The following KLK14 variants were observed in gnomAD, a reference collection of about 807,000 sequenced individuals.
KLK14 encodes kallikrein-14.
Under a neutral mutation model 24.6 loss-of-function variants are expected in KLK14, and 21 were observed. That is an observed-to-expected ratio of 0.85 (90% CI 0.61 to 1.23). KLK14 has a LOEUF of 1.23. Ranked by LOEUF, KLK14 falls within the 50% of genes most tolerant of loss-of-function variation. The probability of loss-of-function intolerance (pLI) is 0.00; values close to 1 mark genes in which losing one functional copy is unlikely to be tolerated. For missense variants in KLK14, 320 were observed against 338.9 expected (o/e 0.94, Z 0.44); for synonymous variants, 133 against 139.7 (o/e 0.95, Z 0.34).
At chr19:51,083,818 G>A (rs1170065516), upstream of KLK14, among the ~76,000 whole-genome samples, 2 of 152,028 alleles carry the variant, frequency 1.3e-5, no homozygotes. Flanking sequence ...GGAGAGAGAG[G>A]AGAGAGGCCG....
Position 51,079,499 on chromosome 19 carries a change from G to GACCA in KLK14, c.415_416insTGGT (p.Pro139LeufsTer36). On this transcript the variant is annotated frameshift_variant, in exon 4 of 6. Transcript: ENST00000650543. LOFTEE classifies it high-confidence loss of function. ...GCCTGACACTCGGCAGGAGGTCCCG[G>GACCA]GGCTGGCACAGGCCTGGGTGACCTC... 6.2e-7 allele frequency: 1 copy of GACCA among 1,613,734 alleles called. No homozygotes were observed. The highest frequency in any genetic ancestry group is 1.1e-5 in the South Asian group (1 of 91,080).
upstream of KLK14, among the ~76,000 whole-genome samples, chr19:51,083,274 G>GAGAGA (rs2091851470): frequency 8.1e-6 from 1 of 123,714 alleles, no homozygotes; most frequent in African/African-American, 3.3e-5. Context: ...AGTCACGGGA[G>GAGAGA]GAGGGAGAGA....
At chr19:51,081,411 C>G in intron 3 of KLK14, 121 bp downstream of exon 3, 1 of 956,140 alleles carries the variant, frequency 1.0e-6, no homozygotes, top group Non-Finnish European at 1.4e-6. Flanking sequence ...TTCTCTAGAC[C>G]TCAAACCAGG....
chr19:51,082,451 C>A, intron 2 of KLK14, 124 bp downstream of exon 2: 1 of 874,718 alleles, frequency 1.1e-6, no homozygotes, highest in East Asian at 2.5e-5. Flanking sequence ...CCATGACCCC[C>A]AAACCACTCC....
chr19:51,081,768 T>C, intron 2 of KLK14, 65 bp from the exon 3 acceptor site: 1 of 1,384,620 alleles, frequency 7.2e-7, no homozygotes, highest in Non-Finnish European at 9.6e-7. Flanking sequence ...CACAAGTTTG[T>C]AGGATTCCAA....
In KLK14 at chr19:51,079,511, G is replaced by C; in HGVS notation, c.404C>G (p.Ala135Gly). Residue 135 changes from alanine (A) to glycine (G), a missense_variant, in exon 4 of 6, where the codon GCC (alanine) becomes GGC (glycine). Ala to Gly is a moderately conservative substitution (Grantham distance 60, BLOSUM62 0). Coordinates refer to ENST00000650543, the MANE Select transcript of KLK14 (RefSeq NM_001369775.2). ...GCAGGAGGTCCCGGGGCTGGCACAG[G>C]CCTGGGTGACCTCAATGGGCCTGAC... ...RAVRPIEVTQ[A>G]CASPGTSCRV... 2 of 1,613,848 alleles carry C rather than the reference G, an allele frequency of 1.2e-6. No individual in the cohort carries two copies. Among genetic ancestry groups the C allele is most frequent in the South Asian group, 1.1e-5 (1 of 91,078 alleles).
In KLK14 at chr19:51,082,767, A is replaced by G; in HGVS notation, c.-68T>C. 1 of 1,612,548 alleles carries G rather than the reference A, an allele frequency of 6.2e-7. No individual in the cohort carries two copies. Among genetic ancestry groups the G allele is most frequent in the East Asian group, 2.2e-5 (1 of 44,842 alleles). On this transcript the variant is annotated 5_prime_UTR_variant, in exon 1 of 6. Transcript: ENST00000650543. ...GGACATGAAGACACAGCAGAGAGGT[A>G]GGGACCAGAGACGAGGGGGGCGGGG...
At chr19:51,083,867 C>T (rs2091855571), upstream of KLK14, among the ~76,000 whole-genome samples, 1 of 152,018 alleles carries the variant, frequency 6.6e-6, no homozygotes, top group South Asian at 2.1e-4. Context: ...CAAACACACA[C>T]AGAACAACAG....
chr19:51,083,818 G>T (rs1170065516), upstream of KLK14, among the ~76,000 whole-genome samples: 1 of 152,028 alleles, frequency 6.6e-6, no homozygotes, highest in Non-Finnish European at 1.5e-5. Flanking sequence ...GGAGAGAGAG[G>T]AGAGAGGCCG....
chr19:51,078,042 T>C lies in KLK14; in HGVS notation c.721A>G (p.Arg241Gly). Residue 241 changes from arginine to glycine, a missense_variant, in exon 6 of 6, where the codon AGA (arginine) becomes GGA (glycine). Transcript: ENST00000650543. This position sits in a 1 kb window ranked among gnomAD's most constrained non-coding sequence, Gnocchi z 5.0. ...CGCATCGTTTCCTCAATCCAGCTTCTGTACTTGCACAGGTTGGTGTAGACA... is the reference window on the plus strand; with the variant it reads ...CGCATCGTTTCCTCAATCCAGCTTCCGTACTTGCACAGGTTGGTGTAGACA... ...PGVYTNLCKY[R>G]SWIEETMRDK 6.2e-7 allele frequency: 1 copy of C among 1,613,938 alleles called. No homozygotes were observed. The highest frequency in any genetic ancestry group is 8.5e-7 in the Non-Finnish European group (1 of 1,179,870).
chr19:51,083,626 T>G (rs2091854350), upstream of KLK14, among the ~76,000 whole-genome samples: 4 of 143,476 alleles, frequency 2.8e-5, no homozygotes, highest in Admixed American at 6.9e-5. Flanking sequence ...GAGAAACCGG[T>G]GGAAGTTGGA....
chr19:51,081,690 G>T lies in KLK14; in HGVS notation c.54C>A (p.Ser18Arg), dbSNP rs1309332066. ...LQVLAIAMTQ[S>R]QEDENKIIGG... ...CAATTATCTTGTTCTCATCCTCTTG[G>T]CTCTGTGTCATGGCTAGGAGTGGAC... is the stretch of plus-strand genomic sequence containing the variant. The change falls in exon 3 of 6, where the codon AGC becomes AGA. Residue 18 changes from serine to arginine, a missense_variant. By Grantham distance (110) the Ser-to-Arg change is moderately radical. Coordinates refer to ENST00000650543, the MANE Select transcript of KLK14 (RefSeq NM_001369775.2). 2 of 1,546,446 alleles carry T rather than the reference G, an allele frequency of 1.3e-6. No homozygotes were observed. The highest frequency in any genetic ancestry group is 2.4e-5 in the South Asian group (2 of 83,486).
chr19:51,082,028 C>T (rs2091843112), intron 2 of KLK14, among the ~76,000 whole-genome samples: 1 of 151,990 alleles, frequency 6.6e-6, no homozygotes, highest in Non-Finnish European at 1.5e-5. Context: ...TCGAAATATG[C>T]CACATTTCCC....
Position 51,079,486 on chromosome 19 carries a change from G to A in KLK14, c.429C>T (p.Cys143=). The change falls in exon 4 of 6, where the codon TGC becomes TGT. Residue 143 remains cysteine, a synonymous_variant. Coordinates refer to ENST00000650543, the MANE Select transcript of KLK14 (RefSeq NM_001369775.2). ...ATATAGTTCCCCAGCCTGACACTCG[G>A]CAGGAGGTCCCGGGGCTGGCACAGG... ...TQACASPGTS[C]RVSGWGTISS... 1.9e-6 allele frequency: 3 copies of A among 1,613,426 alleles called. No homozygotes were observed. The highest frequency in any genetic ancestry group is 2.2e-5 in the East Asian group (1 of 44,868).
rs1220028689 is a variant in KLK14, at chr19:51,079,716, C to T, written c.213-14G>A. The T allele has an allele frequency of 3.9e-6, 6 of 1,544,748 alleles. No homozygotes were observed. In the East Asian group the frequency reaches 1.5e-4, roughly 38 times the overall value. On this transcript the variant is annotated splice_polypyrimidine_tract_variant and intron_variant, in intron 3 of 5. Transcript: ENST00000650543. ...ACCTGAAGGATCCTGGCCACGACCC[C>T]CAAGAGAAGCGCTGCTCAGGGTCTG... is the stretch of plus-strand genomic sequence containing the variant.
chr19:51,082,188 GCCACGATCCCGCCATC>G (rs2091844070), intron 2 of KLK14, among the ~76,000 whole-genome samples: 1 of 149,382 alleles, frequency 6.7e-6, no homozygotes, highest in African/African-American at 2.5e-5. Flanking sequence ...GCCACCCCAT[GCCACGATCCCGCCATC>G]CCATCATCCT....
At position 51,079,487 on chromosome 19, in the gene KLK14, C is replaced by T. The variant is rs2122750381; in HGVS notation, c.428G>A (p.Cys143Tyr). 6.2e-7 allele frequency: 1 copy of T among 1,613,508 alleles called. No homozygotes were observed. Among genetic ancestry groups the T allele is most frequent in the East Asian group, 2.2e-5 (1 of 44,872 alleles). The change falls in exon 4 of 6, where the codon TGC becomes TAC. Residue 143 changes from cysteine (C) to tyrosine (Y), a missense_variant. By Grantham distance (194) the Cys-to-Tyr change is radical. Transcript: ENST00000650543. Reference protein sequence around the residue: ...TQACASPGTSCRVSGWGTISS... With the variant: ...TQACASPGTSYRVSGWGTISS... ...TATAGTTCCCCAGCCTGACACTCGG[C>T]AGGAGGTCCCGGGGCTGGCACAGGC...
Position 51,078,852 on chromosome 19 carries a change from C to T in KLK14, c.566G>A (p.Cys189Tyr), listed in dbSNP as rs765453820. 1.9e-6 allele frequency: 3 copies of T among 1,614,100 alleles called. No homozygotes were observed. Among genetic ancestry groups the T allele is most frequent in the South Asian group, 2.2e-5 (2 of 91,084 alleles). The change falls in exon 5 of 6, where the codon TGT becomes TAT. Residue 189 changes from cysteine (C) to tyrosine (Y), a missense_variant. Physicochemically the swap from Cys to Tyr is radical, Grantham distance 194. Transcript: ENST00000650543. This position sits in a 1 kb window ranked among gnomAD's most constrained non-coding sequence, Gnocchi z 5.0. ...YPRTITPGMV[C>Y]AGVPQGGKDS... Reference sequence around the variant, plus strand: ...CTTCCCGCCCTGGGGAACTCCTGCACAGACCATGCCAGGCGTGATGGTTCT... The same window carrying T: ...CTTCCCGCCCTGGGGAACTCCTGCATAGACCATGCCAGGCGTGATGGTTCT...
chr19:51,079,405 G>A (rs749774400), intron 4 of KLK14, 44 bp downstream of exon 4: 1 of 1,548,412 alleles, frequency 6.5e-7, no homozygotes, highest in Non-Finnish European at 8.7e-7. Flanking sequence ...AGACCCAGGA[G>A]CCCAGGCCCA....
Sources: allele counts gnomAD v4.1 joint callset (sites outside exome capture counted in the v4.1 genomes callset), GRCh38; gene constraint gnomAD v4.1.1; non-coding constraint Gnocchi (gnomAD v3.1); transcripts MANE v1.5; gene names NCBI Gene and HGNC (gene_info 2026-07-23, HGNC 2026-07-21).